Variants in FBXL7 observed in about 807,000 individuals in gnomAD.
The protein encoded by FBXL7 is F-box/LRR-repeat protein 7.
In FBXL7, 12 loss-of-function variants were observed where a neutral mutation model predicts 38.3. The ratio of observed to expected loss-of-function variants is 0.31; its 90% CI spans 0.20 to 0.51. FBXL7 has a LOEUF of 0.51. Among genes scored for constraint, FBXL7 ranks in the 20% least tolerant of loss-of-function variants. The pLI, the probability that FBXL7 is intolerant of heterozygous loss-of-function variation, is 0.98. For missense variants in FBXL7, 567 were observed against 676.4 expected (o/e 0.84, Z 1.79); for synonymous variants, 297 against 300.9 (o/e 0.99, Z 0.13).
intron 2 of FBXL7, among the ~76,000 whole-genome samples, chr5:15,639,423 G>A (rs930948818): frequency 6.6e-6 from 1 of 152,072 alleles, no homozygotes; most frequent in African/African-American, 2.4e-5. Context: ...AGTCTCACAA[G>A]ATCTGATGGT....
At chr5:15,734,128 A>C (rs1735686738) in intron 2 of FBXL7, among the ~76,000 whole-genome samples, 1 of 151,990 alleles carries the variant, frequency 6.6e-6, no homozygotes, top group Admixed American at 6.6e-5. Flanking sequence ...AAAAAAAAAA[A>C]AAAAAAGCTT....
chr5:15,586,892 G>A (rs1739323898), intron 1 of FBXL7, among the ~76,000 whole-genome samples: 1 of 152,226 alleles, frequency 6.6e-6, no homozygotes, highest in African/African-American at 2.4e-5. Flanking sequence ...GTTTACACCT[G>A]AGAATAGGTT....
chr5:15,674,011 C>T (rs917863868), intron 2 of FBXL7, among the ~76,000 whole-genome samples: 2 of 152,240 alleles, frequency 1.3e-5, no homozygotes, highest in African/African-American at 2.4e-5. Flanking sequence ...TGTGTTCTAC[C>T]GTTATAGAGG....
At chr5:15,576,401 T>C (rs1738971534) in intron 1 of FBXL7, among the ~76,000 whole-genome samples, 2 of 152,154 alleles carry the variant, frequency 1.3e-5, no homozygotes, top group African/African-American at 2.4e-5. Flanking sequence ...TCATTCTTAA[T>C]GTATCTATTT....
intron 2 of FBXL7, among the ~76,000 whole-genome samples, chr5:15,789,620 C>T (rs146940754): frequency 6.6e-4 from 100 of 152,324 alleles, no homozygotes; most frequent in African/African-American, 2.4e-3. Flanking sequence ...GCTTTGCACC[C>T]TCCTGTAGGC....
intron 2 of FBXL7, among the ~76,000 whole-genome samples, chr5:15,687,524 A>G (rs1357743099): frequency 6.6e-6 from 1 of 152,234 alleles, no homozygotes; most frequent in African/African-American, 2.4e-5. Flanking sequence ...AGAAGTGGAT[A>G]ATGATCATTT....
intron 2 of FBXL7, among the ~76,000 whole-genome samples, chr5:15,689,267 G>GC (rs34526764): frequency 7.0e-6 from 1 of 142,592 alleles, no homozygotes; most frequent in Non-Finnish European, 1.5e-5. Context: ...TTTATTTTCA[G>GC]TTTTTTTTTT....
chr5:15,592,951 G>A (rs999193638), intron 1 of FBXL7, among the ~76,000 whole-genome samples: 20 of 152,198 alleles, frequency 1.3e-4, no homozygotes, highest in African/African-American at 4.6e-4. Context: ...ACACACAAGG[G>A]AAGTATGATC....
chr5:15,759,109 C>T (rs1736374235), intron 2 of FBXL7, among the ~76,000 whole-genome samples: 1 of 152,168 alleles, frequency 6.6e-6, no homozygotes, highest in Non-Finnish European at 1.5e-5. Context: ...ATTGATTAAC[C>T]AGTAAGGTGT....
intron 2 of FBXL7, among the ~76,000 whole-genome samples, chr5:15,850,773 G>A (rs542077083): frequency 6.6e-6 from 1 of 152,294 alleles, no homozygotes; most frequent in South Asian, 2.1e-4. Context: ...TTGTTCCAGA[G>A]AGTTCACTAT....
At chr5:15,876,194 A>T (rs187036923) in intron 2 of FBXL7, among the ~76,000 whole-genome samples, 2 of 152,276 alleles carry the variant, frequency 1.3e-5, no homozygotes, top group East Asian at 3.9e-4. Flanking sequence ...GTGGGAGTTG[A>T]ACAATGAGAA....
intron 2 of FBXL7, among the ~76,000 whole-genome samples, chr5:15,888,819 T>A (rs1285190811): frequency 6.6e-6 from 1 of 152,144 alleles, no homozygotes; most frequent in Non-Finnish European, 1.5e-5. Flanking sequence ...ATAAATTTGG[T>A]GAAAACATTT....
chr5:15,750,480 G>A (rs947193394), intron 2 of FBXL7, among the ~76,000 whole-genome samples: 2 of 152,186 alleles, frequency 1.3e-5, no homozygotes, highest in African/African-American at 2.4e-5. Flanking sequence ...GTAAAGGGAA[G>A]CATGTTACCC....
chr5:15,854,712 G>A (rs1739202103), intron 2 of FBXL7, among the ~76,000 whole-genome samples: 2 of 152,086 alleles, frequency 1.3e-5, no homozygotes, highest in South Asian at 4.2e-4. Context: ...CCTGAAACAG[G>A]TCATTTTGGC....
chr5:15,589,367 C>A (rs1739403591), intron 1 of FBXL7, among the ~76,000 whole-genome samples: 1 of 152,066 alleles, frequency 6.6e-6, no homozygotes, highest in African/African-American at 2.4e-5. Context: ...TGAGTTCTTA[C>A]AAGATCTGGT....
chr5:15,866,182 A>G (rs895426091), intron 2 of FBXL7, among the ~76,000 whole-genome samples: 33 of 152,348 alleles, frequency 2.2e-4, no homozygotes, highest in Non-Finnish European at 4.6e-4. Context: ...TGCGAATGAA[A>G]CAGAGGTAGA....
At chr5:15,686,303 T>A (rs377302016) in intron 2 of FBXL7, among the ~76,000 whole-genome samples, 12 of 152,332 alleles carry the variant, frequency 7.9e-5, no homozygotes, top group Admixed American at 5.9e-4. Context: ...TATCTTTTTG[T>A]TTCGTTGTTC....
At chr5:15,773,126 G>A (rs2126712724) in intron 2 of FBXL7, among the ~76,000 whole-genome samples, 1 of 152,160 alleles carries the variant, frequency 6.6e-6, no homozygotes, top group South Asian at 2.1e-4. Flanking sequence ...TTTAAACTCT[G>A]AGGCTCAACT....
Position 15,687,300 on chromosome 5 carries a change from T to G in FBXL7, c.127+71228T>G, listed in dbSNP as rs949203713. On this transcript the variant is annotated intron_variant, in intron 2 of 3. Coordinates refer to ENST00000504595, the MANE Select transcript of FBXL7 (RefSeq NM_012304.5). ...TACTGCCTTTTCCTTTTCAGACATC[T>G]GAGCTTAACTCTTGGCATCCTGGTA... is the stretch of plus-strand genomic sequence containing the variant. Among the ~76,000 whole-genome samples, 3 of 152,374 alleles carry G rather than the reference T, an allele frequency of 2.0e-5. No individual in the cohort carries two copies. In the South Asian group the frequency reaches 6.2e-4, roughly 32 times the overall value.
Sources: gnomAD v4.1 joint callset for allele counts (sites outside exome capture counted in the v4.1 genomes callset) on GRCh38, gnomAD v4.1.1 for gene constraint, MANE v1.5 for transcripts, NCBI Gene and HGNC (gene_info 2026-07-23, HGNC 2026-07-21) for gene names.